CAPN9: variants seen among roughly 807,000 people sequenced by gnomAD.
CAPN9 encodes calpain 9, also known as calpain-9.
In CAPN9, 81 loss-of-function variants were observed where a neutral mutation model predicts 92.8. The observed-to-expected ratio is 0.87, with a 90% CI of 0.73 to 1.05. The LOEUF (loss-of-function observed/expected upper bound fraction) is 1.05. Among genes scored for constraint, CAPN9 ranks in the 50% least tolerant of loss-of-function variants. CAPN9 has a pLI of 0.00. For missense variants in CAPN9, 848 were observed against 866.2 expected (o/e 0.98, Z 0.26); for synonymous variants, 304 against 328.0 (o/e 0.93, Z 0.79).
chr1:230,761,962 CAT>C (rs1403689197), intron 3 of CAPN9, among the ~76,000 whole-genome samples: 4 of 152,262 alleles, frequency 2.6e-5, no homozygotes, highest in African/African-American at 7.2e-5. Flanking sequence ...CACATGCACA[CAT>C]GTGAGCAAAC....
intron 6 of CAPN9, among the ~76,000 whole-genome samples, chr1:230,770,929 C>T (rs1156764930): frequency 6.6e-6 from 1 of 152,160 alleles, no homozygotes; most frequent in Admixed American, 6.5e-5. Flanking sequence ...TGTGAGACGC[C>T]GTTGGACTCT....
At position 230,747,539 on chromosome 1, in the gene CAPN9, G is replaced by T. The variant is rs1664496399; in HGVS notation, c.43G>T (p.Val15Phe). The part of the protein sequence containing the change: ...YRAPGPQAHP[V>F]PKDARITHSS... ...GGCCCCAGGGCCTCAGGCACACCCGGTTCCCAAGGACGCCCGGATCACCCA... is the reference window on the plus strand; with the variant it reads ...GGCCCCAGGGCCTCAGGCACACCCGTTTCCCAAGGACGCCCGGATCACCCA... Residue 15 changes from valine (V) to phenylalanine (F), a missense_variant, in exon 1 of 20, where the codon GTT becomes TTT. Physicochemically the swap from Val to Phe is conservative, Grantham distance 50 (BLOSUM62 -1). Transcript: ENST00000271971. The T allele has an allele frequency of 6.2e-7, 1 of 1,614,058 alleles. No homozygotes were observed. Among genetic ancestry groups the T allele is most frequent in the Admixed American group, 1.7e-5 (1 of 60,012 alleles).
At chr1:230,789,472 TCAAAAAAAAA>T (rs1667829987) in intron 13 of CAPN9, among the ~76,000 whole-genome samples, 1 of 32,554 alleles carries the variant, frequency 3.1e-5, no homozygotes, top group African/African-American at 1.6e-4. Context: ...AGACCCTGTA[TCAAAAAAAAA>T]AAAAAAAAAA....
At chr1:230,751,585 CAAAGAAAGAAAGAAAGAAAGAAAGAGAA>C (rs1251382849) in intron 1 of CAPN9, among the ~76,000 whole-genome samples, 1 of 57,410 alleles carries the variant, frequency 1.7e-5, no homozygotes, top group African/African-American at 8.0e-5. Flanking sequence ...AAGAAAGAAA[CAAAGAAAGAAAGAAAGAAAGAAAGAGAA>C]AGAAAGAAAG....
At chr1:230,783,079 C>T (rs1667337458) in intron 11 of CAPN9, among the ~76,000 whole-genome samples, 1 of 152,166 alleles carries the variant, frequency 6.6e-6, no homozygotes, top group Admixed American at 6.5e-5. Context: ...GCACCCCCTC[C>T]CCAGTGCCTA....
intron 12 of CAPN9, 37 bp downstream of exon 12, chr1:230,786,054 A>G (rs370143358): frequency 1.4e-5 from 23 of 1,611,278 alleles, no homozygotes; most frequent in Non-Finnish European, 1.9e-5. Flanking sequence ...TATGGGATTC[A>G]GGTGATGGTT....
At chr1:230,770,513 C>G (rs1014779974) in intron 6 of CAPN9, among the ~76,000 whole-genome samples, 3 of 152,150 alleles carry the variant, frequency 2.0e-5, no homozygotes, top group Non-Finnish European at 4.4e-5. Context: ...CAAGTTGACA[C>G]ATAAAATTAA....
intron 19 of CAPN9, among the ~76,000 whole-genome samples, chr1:230,800,194 A>G (rs1381044282): frequency 1.5e-5 from 2 of 137,738 alleles, no homozygotes; most frequent in Non-Finnish European, 3.2e-5. Flanking sequence ...GAAGGAAAGA[A>G]GGAAAAGAAA....
At chr1:230,772,595 G>A (rs564264220) in intron 7 of CAPN9, among the ~76,000 whole-genome samples, 12 of 152,278 alleles carry the variant, frequency 7.9e-5, no homozygotes, top group African/African-American at 2.9e-4. Context: ...ATAGAAGTGA[G>A]GCTGAGCATG....
At chr1:230,779,683 A>G (rs571995425) in intron 9 of CAPN9, among the ~76,000 whole-genome samples, 2 of 152,286 alleles carry the variant, frequency 1.3e-5, no homozygotes, top group South Asian at 2.1e-4. Flanking sequence ...AGTGAATGCT[A>G]TGCATTGATT....
chr1:230,793,867 CA>C (rs1027270486), intron 17 of CAPN9, among the ~76,000 whole-genome samples: 2 of 152,138 alleles, frequency 1.3e-5, no homozygotes, highest in African/African-American at 2.4e-5. Context: ...AGGAACTGAG[CA>C]GGGGACAAAG....
At chr1:230,775,667 C>T (rs2102883160) in intron 8 of CAPN9, among the ~76,000 whole-genome samples, 1 of 152,294 alleles carries the variant, frequency 6.6e-6, no homozygotes, top group South Asian at 2.1e-4. Flanking sequence ...CCTGTAATCC[C>T]AGCACTTTGG....
At chr1:230,795,758 G>T (rs1668311569) in intron 18 of CAPN9, among the ~76,000 whole-genome samples, 1 of 152,048 alleles carries the variant, frequency 6.6e-6, no homozygotes. Context: ...TAGCCATCCT[G>T]CCCCTCAAAG....
rs574645709 is a variant in CAPN9, at chr1:230,793,553, G to A, written c.1870+625G>A. ...GGTCCCATGTCCTGCACACACAACC[G>A]TAGTTTCCACGAGCGCTCTGCAGAC... is the stretch of plus-strand genomic sequence containing the variant. On this transcript the variant is annotated intron_variant, in intron 17 of 19. Coordinates refer to ENST00000271971, the MANE Select transcript of CAPN9 (RefSeq NM_006615.3). Among the ~76,000 whole-genome samples the A allele has an allele frequency of 3.3e-5, 5 of 152,300 alleles. No homozygotes were observed. In the South Asian group the frequency reaches 6.2e-4, roughly 19 times the overall value.
At chr1:230,770,860 C>T (rs1027606489) in intron 6 of CAPN9, among the ~76,000 whole-genome samples, 2 of 152,140 alleles carry the variant, frequency 1.3e-5, no homozygotes, top group Admixed American at 6.6e-5. Context: ...CCTCTGAATG[C>T]GTGGGGAGTA....
intron 19 of CAPN9, among the ~76,000 whole-genome samples, chr1:230,800,255 A>G (rs910287578): frequency 1.6e-4 from 20 of 122,322 alleles, no homozygotes; most frequent in Admixed American, 1.6e-3. Flanking sequence ...AGAAAGAAAG[A>G]AAGAAAGAAA....
At chr1:230,758,249 T>C (rs996253712) in intron 2 of CAPN9, among the ~76,000 whole-genome samples, 5 of 152,178 alleles carry the variant, frequency 3.3e-5, no homozygotes, top group African/African-American at 1.2e-4. Context: ...CAGAGGTCAC[T>C]CTATTAGACT....
At chr1:230,799,451 G>T (rs570860676) in intron 19 of CAPN9, among the ~76,000 whole-genome samples, 27 of 152,250 alleles carry the variant, frequency 1.8e-4, no homozygotes, top group Non-Finnish European at 2.6e-4. Flanking sequence ...ATCCCTGGAC[G>T]CATTATTATT....
chr1:230,786,904 C>T (rs925478864), intron 12 of CAPN9, among the ~76,000 whole-genome samples: 13 of 151,984 alleles, frequency 8.6e-5, no homozygotes, highest in African/African-American at 2.9e-4. Context: ...GCTTTACCCT[C>T]GTCCAAGGGC....
Sources: allele counts gnomAD v4.1 joint callset (sites outside exome capture counted in the v4.1 genomes callset), GRCh38; gene constraint gnomAD v4.1.1; transcripts MANE v1.5; gene names NCBI Gene and HGNC (gene_info 2026-07-23, HGNC 2026-07-21).